The following SF3B1 variants were observed in gnomAD, a reference collection of about 807,000 sequenced individuals.
The protein encoded by SF3B1 is pre-mRNA processing 10.
SF3B1 carries 12 observed loss-of-function variants against 153.8 expected under a neutral mutation model. That is an observed-to-expected ratio of 0.08 (90% CI 0.05 to 0.13). SF3B1 has a LOEUF of 0.13. Among genes scored for constraint, SF3B1 ranks in the 10% least tolerant of loss-of-function variants. The pLI, the probability that SF3B1 is intolerant of heterozygous loss-of-function variation, is 1.00. For missense variants in SF3B1, 513 were observed against 1,606.1 expected, an observed-to-expected ratio of 0.32 and a Z score of 11.63; for synonymous variants, 498 against 525.2, an observed-to-expected ratio of 0.95 and a Z score of 0.71.
intron 4 of SF3B1, chr2:197,419,160 G>A: frequency 2.1e-6 from 1 of 486,104 alleles, no homozygotes; most frequent in Non-Finnish European, 3.7e-6. Context: ...ACTAAAAAGG[G>A]CTTCATGCTT....
In SF3B1 at chr2:197,392,350, CGTT is replaced by C. The variant is rs2084818648; in HGVS notation, c.3865_3867del (p.Asn1289del). On this transcript the variant is annotated inframe_deletion, in exon 25 of 25. Coordinates refer to ENST00000335508, the MANE Select transcript of SF3B1 (RefSeq NM_012433.4). ...TAACGAATATAGGTGTTCTTATCAT[CGTT>C]GTAGATTCTTGGGTAATGTGCTATG... 4 of 1,528,096 alleles carry C rather than the reference CGTT, an allele frequency of 2.6e-6. No homozygotes were observed. Among genetic ancestry groups the C allele is most frequent in the Non-Finnish European group, 3.6e-6 (4 of 1,102,300 alleles). The allele number at this position is 1,528,096 out of a possible 1,614,324, so 94.7% of individuals were successfully genotyped here.
Position 197,408,559 on chromosome 2 carries a change from T to A in SF3B1, c.927A>T (p.Gly309=), listed in dbSNP as rs1176620748. Residue 309 remains glycine, a synonymous_variant, in exon 8 of 25, where the codon GGA becomes GGT. Coordinates refer to ENST00000335508, the MANE Select transcript of SF3B1 (RefSeq NM_012433.4). ...TERDTPGHGS[G]WAETPRTDRG... is the part of the protein sequence containing the mutation. ...GATCTGTTCGAGGAGTCTCAGCCCA[T>A]CCACTTCCATGCCCAGGAGTATCTT... 2 of 1,611,960 alleles carry A rather than the reference T, an allele frequency of 1.2e-6. No homozygotes were observed. Among genetic ancestry groups the A allele is most frequent in the East Asian group, 2.2e-5 (1 of 44,890 alleles).
chr2:197,418,095 G>C (rs912545218), intron 5 of SF3B1, among the ~76,000 whole-genome samples: 2 of 151,646 alleles, frequency 1.3e-5, no homozygotes, highest in African/African-American at 4.8e-5. Flanking sequence ...AATTAGCTAG[G>C]CATGGTGACA....
intron 1 of SF3B1, among the ~76,000 whole-genome samples, chr2:197,426,723 C>CTTT (rs1375433941): frequency 6.6e-6 from 1 of 152,060 alleles, no homozygotes; most frequent in African/African-American, 2.4e-5. Flanking sequence ...GCTGTGAAGC[C>CTTT]CAGGATTCTG....
chr2:197,405,691 C>T (rs1574531953), intron 9 of SF3B1, among the ~76,000 whole-genome samples: 3 of 152,034 alleles, frequency 2.0e-5, no homozygotes. Flanking sequence ...TGAGGAAACA[C>T]AAGAGAAGAG....
At chr2:197,399,990 C>T (rs993481282) in intron 20 of SF3B1, 65 bp downstream of exon 20, 6 of 1,117,132 alleles carry the variant, frequency 5.4e-6, no homozygotes, top group Admixed American at 4.5e-5. Context: ...ATTTTACTTA[C>T]GAAAAAAAAA....
chr2:197,402,913 T>C lies in SF3B1; in HGVS notation c.1806+36A>G. 1 of 1,607,510 alleles carries C rather than the reference T, an allele frequency of 6.2e-7. No homozygotes were observed. Among genetic ancestry groups the C allele is most frequent in the Non-Finnish European group, 8.5e-7 (1 of 1,175,096 alleles). On this transcript the variant is annotated intron_variant, in intron 13 of 24. Coordinates refer to ENST00000335508, the MANE Select transcript of SF3B1 (RefSeq NM_012433.4). The surrounding 1 kb of genome is among the most constrained non-coding windows in gnomAD (Gnocchi z 4.6). ...TTCCATAATCAATTCCATAAACAGA[T>C]ATAAATTTTCTTCTCTAGAAATTAA...
rs1168741282 is a variant in SF3B1 at position 197,400,348 on chromosome 2, T to C, written c.2805A>G (p.Thr935=). The change falls in exon 19 of 25, where the codon ACA becomes ACG. Residue 935 remains threonine, a synonymous_variant. Transcript: ENST00000335508. This position sits in a 1 kb window ranked among gnomAD's most constrained non-coding sequence, Gnocchi z 5.0. The part of the protein sequence containing the change: ...VKPYLPQICG[T]VLWRLNNKSA... Reference sequence around the variant, plus strand: ...ATTTGTTATTTAAACGCCACAAAACTGTACCACAGATCTGAGGCAAGTATG... The same window carrying C: ...ATTTGTTATTTAAACGCCACAAAACCGTACCACAGATCTGAGGCAAGTATG... 11 of 1,613,952 alleles carry C rather than the reference T, an allele frequency of 6.8e-6. No homozygotes were observed. Among genetic ancestry groups the C allele is most frequent in the Admixed American group, 1.7e-5 (1 of 59,990 alleles).
chr2:197,421,928 G>A (rs1405176933), intron 2 of SF3B1, among the ~76,000 whole-genome samples: 2 of 152,086 alleles, frequency 1.3e-5, no homozygotes, highest in Admixed American at 1.3e-4. Context: ...CTATAGTGAG[G>A]CATGATCTGG....
intron 8 of SF3B1, 35 bp from the exon 9 acceptor site, chr2:197,408,154 G>A: frequency 1.3e-6 from 2 of 1,526,594 alleles, no homozygotes; most frequent in South Asian, 1.1e-5. Context: ...ATAATCTATA[G>A]TACAAGACTG....
At chr2:197,394,136 A>T (rs2084847611) in intron 23 of SF3B1, among the ~76,000 whole-genome samples, 1 of 152,052 alleles carries the variant, frequency 6.6e-6, no homozygotes, top group African/African-American at 2.4e-5. Flanking sequence ...GTGAGTCGAG[A>T]TTGTGCCACT....
chr2:197,407,865 C>T (rs1298872110), intron 9 of SF3B1, 133 bp downstream of exon 9: 1 of 714,568 alleles, frequency 1.4e-6, no homozygotes, highest in Non-Finnish European at 2.3e-6. Flanking sequence ...CTGAAATATA[C>T]CTGGAAATAG....
chr2:197,425,095 G>A (rs779919584), intron 1 of SF3B1, among the ~76,000 whole-genome samples: 4 of 152,206 alleles, frequency 2.6e-5, no homozygotes, highest in Admixed American at 1.3e-4. Flanking sequence ...GGCCAAGGCT[G>A]CAGTGAGCCG....
chr2:197,416,609 G>T, intron 6 of SF3B1, 132 bp downstream of exon 6: 1 of 759,476 alleles, frequency 1.3e-6, no homozygotes, highest in Non-Finnish European at 2.1e-6. Context: ...CCAGAACTGC[G>T]AAAAAAATCA....
rs1160885536 is a variant in SF3B1, at chr2:197,390,289, C to A, written c.*2014G>T. On this transcript the variant is annotated 3_prime_UTR_variant, in exon 25 of 25. Coordinates refer to ENST00000335508, the MANE Select transcript of SF3B1 (RefSeq NM_012433.4). ...CATAAAGAACCAGAGGCCAAGCAAACGTAGGCTACTAAGTACTTGAATTGA... is the reference window on the plus strand; with the variant it reads ...CATAAAGAACCAGAGGCCAAGCAAAAGTAGGCTACTAAGTACTTGAATTGA... 2 of 152,156 alleles carry A rather than the reference C, an allele frequency of 1.3e-5. No homozygotes were observed. Among genetic ancestry groups the A allele is most frequent in the Non-Finnish European group, 2.9e-5 (2 of 68,032 alleles). 9.4% of individuals were successfully genotyped at this position (152,156 alleles called of 1,614,324 possible).
intron 6 of SF3B1, 39 bp downstream of exon 6, chr2:197,416,702 A>AT (rs748194194): frequency 1.3e-5 from 20 of 1,583,048 alleles, no homozygotes; most frequent in Non-Finnish European, 6.9e-6. Flanking sequence ...ACAGAAAAAA[A>AT]TTTTTTAACA....
chr2:197,410,770 C>T (rs1169428822), intron 6 of SF3B1, among the ~76,000 whole-genome samples: 2 of 152,130 alleles, frequency 1.3e-5, no homozygotes, highest in Non-Finnish European at 2.9e-5. Context: ...TCCCAAAGTG[C>T]TGGGATTACA....
Position 197,408,505 on chromosome 2 carries a change from C to T in SF3B1, c.981G>A (p.Pro327=), listed in dbSNP as rs2085023017. Reference sequence around the variant, plus strand: ...ATTTTCTTTTACTGGCTCCAGGAGTCGGTGTTTCACCAATAGAATCTCCAC... The same window carrying T: ...ATTTTCTTTTACTGGCTCCAGGAGTTGGTGTTTCACCAATAGAATCTCCAC... ...DRGGDSIGET[P]TPGASKRKSR... The change falls in exon 8 of 25, where the codon CCG becomes CCA. Residue 327 remains proline, a synonymous_variant. Transcript: ENST00000335508. 1.5e-5 allele frequency: 25 copies of T among 1,613,624 alleles called. No individual in the cohort carries two copies. The highest frequency in any genetic ancestry group is 2.2e-5 in the East Asian group (1 of 44,886).
intron 1 of SF3B1, among the ~76,000 whole-genome samples, chr2:197,433,785 C>T (rs1214805520): frequency 2.0e-5 from 3 of 152,228 alleles, no homozygotes; most frequent in Non-Finnish European, 4.4e-5. Flanking sequence ...GACTACTACT[C>T]AAACACACCT....
Sources: gnomAD v4.1 joint callset for allele counts (sites outside exome capture counted in the v4.1 genomes callset) on GRCh38, gnomAD v4.1.1 for gene constraint, Gnocchi (gnomAD v3.1) non-coding constraint, MANE v1.5 for transcripts, NCBI Gene and HGNC (gene_info 2026-07-23, HGNC 2026-07-21) for gene names.